The following ABCA3 variants were observed in gnomAD, a reference collection of about 807,000 sequenced individuals.
ABCA3 encodes the protein phospholipid-transporting ATPase ABCA3.
ABCA3 carries 88 observed loss-of-function variants against 172.8 expected under a neutral mutation model. That is an observed-to-expected ratio of 0.51 (90% CI 0.43 to 0.61). ABCA3 has a LOEUF of 0.61. ABCA3 is among the 20% of genes least tolerant of loss of function. ABCA3 has a pLI of 0.00. For missense variants in ABCA3, 2,164 were observed against 2,301.0 expected, an observed-to-expected ratio of 0.94 and a Z score of 1.22; for synonymous variants, 1,066 against 983.8, an observed-to-expected ratio of 1.08 and a Z score of -1.56.
At chr16:2,292,618 TA>T (rs1490622689) in intron 18 of ABCA3, among the ~76,000 whole-genome samples, 1 of 150,218 alleles carries the variant, frequency 6.7e-6, no homozygotes, top group Non-Finnish European at 1.5e-5. Context: ...AATAAATAAA[TA>T]AAATTAAAAA....
intron 1 of ABCA3, among the ~76,000 whole-genome samples, chr16:2,334,702 G>A (rs888084381): frequency 1.3e-5 from 2 of 151,806 alleles, no homozygotes; most frequent in Non-Finnish European, 2.9e-5. Context: ...ATTTTTAGTA[G>A]AGATGGAGTT....
chr16:2,301,892 T>G (rs1470926366), intron 12 of ABCA3, among the ~76,000 whole-genome samples: 1 of 152,136 alleles, frequency 6.6e-6, no homozygotes, highest in Non-Finnish European at 1.5e-5. Context: ...AAATAAAATC[T>G]CTGCAGCAAT....
chr16:2,297,555 C>T lies in ABCA3; in HGVS notation c.2053-16G>A, dbSNP rs201062355. 2 of 1,611,076 alleles carry T rather than the reference C, an allele frequency of 1.2e-6. No homozygotes were observed. Among genetic ancestry groups the T allele is most frequent in the African/African-American group, 2.7e-5 (2 of 74,890 alleles). On this transcript the variant is annotated splice_polypyrimidine_tract_variant and intron_variant, in intron 16 of 32. Coordinates refer to ENST00000301732, the MANE Select transcript of ABCA3 (RefSeq NM_001089.3). The surrounding 1 kb of genome is among the most constrained non-coding windows in gnomAD (Gnocchi z 5.6). ...GTATCAGCACCTGGAGGGAGAGACA[C>T]AGTCTCGCGACGCTGGTAGAGCCAC...
chr16:2,302,331 G>A (rs1367447711), intron 12 of ABCA3, among the ~76,000 whole-genome samples: 1 of 152,048 alleles, frequency 6.6e-6, no homozygotes, highest in Non-Finnish European at 1.5e-5. Flanking sequence ...TACTTAGGTA[G>A]AAATATATTT....
chr16:2,298,721 C>G (rs1315658123), intron 14 of ABCA3, among the ~76,000 whole-genome samples, 181 bp from the exon 15 acceptor site: 1 of 152,042 alleles, frequency 6.6e-6, no homozygotes, highest in Non-Finnish European at 1.5e-5. Context: ...GAAAAAGAAG[C>G]GGCATGGAAA....
chr16:2,337,342 A>G (rs9924128), intron 1 of ABCA3, among the ~76,000 whole-genome samples: 2,427 of 151,570 alleles, frequency 0.016, 74 homozygotes, highest in African/African-American at 0.055. Flanking sequence ...TCTTTTACAC[A>G]TAACAGTACA....
intron 6 of ABCA3, among the ~76,000 whole-genome samples, chr16:2,324,040 T>C (rs747210574): frequency 3.9e-5 from 6 of 152,230 alleles, no homozygotes; most frequent in Non-Finnish European, 7.3e-5. Context: ...CCTCACTTTC[T>C]TTCTTTCCGC....
intron 5 of ABCA3, among the ~76,000 whole-genome samples, chr16:2,325,277 C>A (rs1331008155): frequency 6.6e-6 from 1 of 152,138 alleles, no homozygotes; most frequent in Non-Finnish European, 1.5e-5. Context: ...TCAAGTCCAC[C>A]CAGGCATCCC....
chr16:2,319,711 G>A lies in ABCA3; in HGVS notation c.743C>T (p.Pro248Leu), dbSNP rs771984033. 3.3e-5 allele frequency: 53 copies of A among 1,613,740 alleles called. No homozygotes were observed. The highest frequency in any genetic ancestry group is 4.3e-5 in the Non-Finnish European group (51 of 1,180,010). Reference protein sequence around the residue: ...LTVTIKRFPYPPFIADPFLVA... With the variant: ...LTVTIKRFPYLPFIADPFLVA... ...GAGGAAGGGGTCTGCGATGAACGGC[G>A]GGTACGGGAACCTCTTGATGGTCAC... The change falls in exon 8 of 33, where the codon CCG becomes CTG. Residue 248 changes from proline to leucine, a missense_variant. Transcript: ENST00000301732.
rs2093683609 is a variant in ABCA3 at position 2,298,449 on chromosome 16, G to A, written c.1833C>T (p.Cys611=). ...TGTCAAACAGGATGTCGTGCTGCGG[G>A]CACAGGCCCAGGCTCTTCCGGATCT... ...MVQIRKSLGL[C]PQHDILFDNL... Residue 611 remains cysteine (C), a synonymous_variant, in exon 15 of 33, where the codon TGC becomes TGT. Transcript: ENST00000301732. 6.2e-7 allele frequency: 1 copy of A among 1,614,028 alleles called. No individual in the cohort carries two copies. The highest frequency in any genetic ancestry group is 1.3e-5 in the African/African-American group (1 of 74,946).
At chr16:2,304,739 G>A (rs894048248) in intron 11 of ABCA3, among the ~76,000 whole-genome samples, 4 of 147,732 alleles carry the variant, frequency 2.7e-5, no homozygotes, top group African/African-American at 7.5e-5. Context: ...GCAGTGGCAC[G>A]ATCTCGGCTC....
At chr16:2,332,048 G>A (rs1410433867) in intron 1 of ABCA3, among the ~76,000 whole-genome samples, 2 of 152,166 alleles carry the variant, frequency 1.3e-5, no homozygotes, top group Non-Finnish European at 2.9e-5. Context: ...GGTGCAGAGT[G>A]AGCGCATACT....
chr16:2,307,016 C>CAAAAAAAAAAA (rs201661615), intron 11 of ABCA3, among the ~76,000 whole-genome samples: 24 of 65,968 alleles, frequency 3.6e-4, no homozygotes, highest in Non-Finnish European at 4.8e-4. Context: ...GACTCCGTCT[C>CAAAAAAAAAAA]AAAAAAAAAA....
At chr16:2,326,303 T>C (rs746010678) in intron 4 of ABCA3, 29 bp from the exon 5 acceptor site, 2 of 1,611,636 alleles carry the variant, frequency 1.2e-6, no homozygotes, top group Admixed American at 3.3e-5. Context: ...GGCACGGTGA[T>C]GGGCTGCAAG....
rs543588148 is a variant in ABCA3, at chr16:2,281,276, C to A, written c.4165-55G>T. On this transcript the variant is annotated intron_variant, in intron 27 of 32. Transcript: ENST00000301732. This position sits in a 1 kb window ranked among gnomAD's most constrained non-coding sequence, Gnocchi z 4.7. The stretch of plus-strand genomic sequence containing the variant: ...GCGGAGGCCTGGACGCAAAGCAGAG[C>A]AGTCTGAGCCTCAGCGCCGAAAGCT... The A allele has an allele frequency of 8.7e-6, 14 of 1,613,008 alleles. No individual in the cohort carries two copies. In the South Asian group the frequency reaches 1.4e-4, roughly 16 times the overall value.
Position 2,281,384 on chromosome 16 carries a change from G to A in ABCA3, c.4161C>T (p.Ser1387=), listed in dbSNP as rs749244982. The A allele has an allele frequency of 6.2e-6, 10 of 1,613,586 alleles. No homozygotes were observed. In the East Asian group the frequency reaches 1.6e-4, roughly 25 times the overall value. ...LHTPLIIKEL[S]KVYEQRVPLL... is the part of the protein sequence containing the mutation. ...CCACCCCAAATTGCAAGGGTACCTT[G>A]GAGAGCTCCTTGATAATCAGAGGTG... The change falls in exon 27 of 33, where the codon TCC becomes TCT. Residue 1387 remains serine (S), a synonymous_variant. Transcript: ENST00000301732. This position sits in a 1 kb window ranked among gnomAD's most constrained non-coding sequence, Gnocchi z 4.7.
chr16:2,296,322 C>T (rs1415987762), intron 17 of ABCA3, among the ~76,000 whole-genome samples: 1 of 152,096 alleles, frequency 6.6e-6, no homozygotes, highest in Non-Finnish European at 1.5e-5. Flanking sequence ...CTTCTCCCTC[C>T]TTGGTTCAAG....
At position 2,308,186 on chromosome 16, in the gene ABCA3, C is replaced by A. The variant is rs562086722; in HGVS notation, c.1285+264G>T. On this transcript the variant is annotated intron_variant, in intron 11 of 32. Coordinates refer to ENST00000301732, the MANE Select transcript of ABCA3 (RefSeq NM_001089.3). Reference sequence around the variant, plus strand: ...TGCTGGATGCTCCAACCCTCTTGTCCTCCGAGCTTTGGGCTTCTTCGGCCC... The same window carrying A: ...TGCTGGATGCTCCAACCCTCTTGTCATCCGAGCTTTGGGCTTCTTCGGCCC... Among the ~76,000 whole-genome samples the A allele has an allele frequency of 4.7e-5, 7 of 148,576 alleles. No homozygotes were observed. In the East Asian group the frequency reaches 1.4e-3, roughly 29 times the overall value.
At chr16:2,304,887 G>A (rs1032051486) in intron 11 of ABCA3, among the ~76,000 whole-genome samples, 1 of 152,042 alleles carries the variant, frequency 6.6e-6, no homozygotes, top group African/African-American at 2.4e-5. Context: ...GTGTTAGCCA[G>A]GGTGGTCTCG....
Sources: allele counts gnomAD v4.1 joint callset (sites outside exome capture counted in the v4.1 genomes callset), GRCh38; gene constraint gnomAD v4.1.1; non-coding constraint Gnocchi (gnomAD v3.1); transcripts MANE v1.5; gene names NCBI Gene and HGNC (gene_info 2026-07-23, HGNC 2026-07-21).